Variants in CDHR1 observed in about 807,000 individuals in gnomAD.
CDHR1 encodes cadherin related family member 1, also known as cadherin-related family member 1.
CDHR1 carries 61 observed loss-of-function variants against 72.1 expected under a neutral mutation model. The observed-to-expected ratio is 0.85, with a 90% confidence interval of 0.69 to 1.05. CDHR1 has a LOEUF of 1.05. Ranked by LOEUF, CDHR1 falls within the 50% of genes least tolerant of loss-of-function variation. The pLI is 0.00. For missense variants in CDHR1, 1,186 were observed against 1,115.7 expected (o/e 1.06, Z -0.90); for synonymous variants, 470 against 448.1 (o/e 1.05, Z -0.62).
At chr10:84,210,867 CTGGT>C (rs1842316644) in intron 12 of CDHR1, 130 bp from the exon 13 acceptor site, 1 of 955,176 alleles carries the variant, frequency 1.0e-6, no homozygotes. Context: ...ACAGGAATAG[CTGGT>C]TGGCAGCTGC....
intron 13 of CDHR1, 121 bp from the exon 14 acceptor site, chr10:84,211,526 TC>T: frequency 1.1e-6 from 1 of 875,768 alleles, no homozygotes; most frequent in Non-Finnish European, 1.9e-6. Context: ...CACCAATTTC[TC>T]CCCAGTTGGG....
At chr10:84,195,346 G>C (rs997635150) in intron 1 of CDHR1, 148 bp from the exon 2 acceptor site, 1 of 767,242 alleles carries the variant, frequency 1.3e-6, no homozygotes, top group African/African-American at 1.7e-5. Flanking sequence ...GCCCCAGTGG[G>C]GTCCCTCGGT....
intron 11 of CDHR1, 25 bp from the exon 12 acceptor site, chr10:84,208,704 T>C: frequency 1.9e-6 from 3 of 1,610,866 alleles, no homozygotes; most frequent in Non-Finnish European, 2.5e-6. Context: ...TCATCTTCCT[T>C]GTTTCCACTC....
At position 84,213,253 on chromosome 10, in the gene CDHR1, G is replaced by A; in HGVS notation, c.1945G>A (p.Asp649Asn). Residue 649 changes from aspartate to asparagine, a missense_variant, in exon 16 of 17, where the codon GAC (aspartate) becomes AAC (asparagine). Physicochemically the swap from Asp to Asn is conservative, Grantham distance 23. Coordinates refer to ENST00000623527, the MANE Select transcript of CDHR1 (RefSeq NM_033100.4). ...CCTGCACAACATCACACCTGGAAGG[G>A]ACTGCCTATGGTCCCTAGAGGTGCA... is the stretch of plus-strand genomic sequence containing the variant. ...DALHNITPGR[D>N]CLWSLEVQAK... 1 of 1,614,228 alleles carries A rather than the reference G, an allele frequency of 6.2e-7. No homozygotes were observed. Among genetic ancestry groups the A allele is most frequent in the Non-Finnish European group, 8.5e-7 (1 of 1,180,046 alleles).
Position 84,201,879 on chromosome 10 carries a change from T to C in CDHR1, c.598T>C (p.Tyr200His). 6.2e-7 allele frequency: 1 copy of C among 1,608,692 alleles called. No homozygotes were observed. The highest frequency in any genetic ancestry group is 1.1e-5 in the South Asian group (1 of 91,088). The change falls in exon 7 of 17, where the codon TAC becomes CAC. Residue 200 changes from tyrosine to histidine, a missense_variant. Tyr to His is a moderately conservative substitution (Grantham distance 83, BLOSUM62 2). Transcript: ENST00000623527. ...LRLQAGATLDYERSRTHYITV... is the reference protein window; with the variant it reads ...LRLQAGATLDHERSRTHYITV... ...CCTCCAGGCTGGGGCCACTCTGGAC[T>C]ACGAGAGGTCCCGGACCCACTACAT...
chr10:84,210,646 C>A (rs1842312534), intron 12 of CDHR1, among the ~76,000 whole-genome samples: 1 of 152,098 alleles, frequency 6.6e-6, no homozygotes, highest in African/African-American at 2.4e-5. Context: ...GTCCTTTGGA[C>A]AGGTGGCAAC....
intron 9 of CDHR1, among the ~76,000 whole-genome samples, chr10:84,204,859 C>A (rs570370727): frequency 2.3e-4 from 35 of 152,260 alleles, no homozygotes; most frequent in Admixed American, 2.2e-3. Context: ...AACCCATGCT[C>A]CTCTCCCCCT....
At chr10:84,200,795 C>T (rs761069994) in intron 6 of CDHR1, 108 bp downstream of exon 6, 15 of 766,536 alleles carry the variant, frequency 2.0e-5, no homozygotes, top group African/African-American at 5.2e-5. Context: ...CTATGATTCC[C>T]GAGAAGTACA....
intron 3 of CDHR1, among the ~76,000 whole-genome samples, chr10:84,197,319 C>T (rs1461437680): frequency 4.6e-5 from 7 of 152,090 alleles, no homozygotes; most frequent in African/African-American, 9.7e-5. Context: ...TGGCAACATC[C>T]GATACCCTTC....
intron 2 of CDHR1, among the ~76,000 whole-genome samples, chr10:84,196,095 G>A (rs1247651670): frequency 2.0e-5 from 3 of 152,206 alleles, no homozygotes; most frequent in African/African-American, 4.8e-5. Context: ...GGACAGTGGT[G>A]CACTGTGGGT....
chr10:84,211,941 G>A (rs1276701718), intron 14 of CDHR1, among the ~76,000 whole-genome samples: 1 of 152,220 alleles, frequency 6.6e-6, no homozygotes, highest in Non-Finnish European at 1.5e-5. Context: ...GCAGGCCATA[G>A]GAAGAGAGAA....
At chr10:84,219,049 C>G (rs557030996), downstream of CDHR1, 20 of 799,306 alleles carry the variant, frequency 2.5e-5, no homozygotes, top group East Asian at 1.6e-4. Context: ...GGTGAGAACA[C>G]TAATGTACTA....
Position 84,214,630 on chromosome 10 carries a change from C to G in CDHR1, c.*9C>G. 6.3e-7 allele frequency: 1 copy of G among 1,599,532 alleles called. No homozygotes were observed. Among genetic ancestry groups the G allele is most frequent in the Non-Finnish European group, 8.5e-7 (1 of 1,179,770 alleles). On this transcript the variant is annotated 3_prime_UTR_variant, in exon 17 of 17. Coordinates refer to ENST00000623527, the MANE Select transcript of CDHR1 (RefSeq NM_033100.4). The stretch of plus-strand genomic sequence containing the variant: ...ACAAGGCTTACTTCTAGTGTATGCC[C>G]TATGACCCCCCATCTTTCCTCCGCC...
chr10:84,198,396 G>A (rs1339774550), intron 4 of CDHR1, among the ~76,000 whole-genome samples: 1 of 152,084 alleles, frequency 6.6e-6, no homozygotes, highest in Non-Finnish European at 1.5e-5. Context: ...TCCTCGTTGG[G>A]CACCATCTGC....
At position 84,208,171 on chromosome 10, in the gene CDHR1, C is replaced by T. The variant is rs943971287; in HGVS notation, c.964-3C>T. 7 of 1,613,840 alleles carry T rather than the reference C, an allele frequency of 4.3e-6. No homozygotes were observed. The highest frequency in any genetic ancestry group is 5.9e-6 in the Non-Finnish European group (7 of 1,179,886). On this transcript the variant is annotated splice_polypyrimidine_tract_variant and splice_region_variant and intron_variant, in intron 10 of 16. Transcript: ENST00000623527. Reference sequence around the variant, plus strand: ...CAGCCATAGCCACTTGTCCCCATCCCAGGTGACTGAAATGAGCCCTGCGGG... The same window carrying T: ...CAGCCATAGCCACTTGTCCCCATCCTAGGTGACTGAAATGAGCCCTGCGGG...
chr10:84,207,230 G>A (rs1483419780), intron 10 of CDHR1, among the ~76,000 whole-genome samples: 3 of 152,104 alleles, frequency 2.0e-5, no homozygotes, highest in African/African-American at 7.2e-5. Flanking sequence ...GCACAGCTGC[G>A]GGAGCTGTGT....
At chr10:84,204,881 C>G (rs117206971) in intron 9 of CDHR1, among the ~76,000 whole-genome samples, 1 of 152,188 alleles carries the variant, frequency 6.6e-6, no homozygotes, top group Non-Finnish European at 1.5e-5. Context: ...GGTATTTGCT[C>G]CTTGATGGGA....
intron 10 of CDHR1, 110 bp from the exon 11 acceptor site, chr10:84,208,064 C>T (rs973230940): frequency 6.1e-6 from 6 of 976,838 alleles, no homozygotes; most frequent in Non-Finnish European, 9.9e-6. Flanking sequence ...AGTTGCTAAG[C>T]CAGGACACAC....
intron 14 of CDHR1, 35 bp downstream of exon 14, chr10:84,211,750 G>A (rs770098162): frequency 1.3e-6 from 2 of 1,578,630 alleles, no homozygotes; most frequent in East Asian, 4.5e-5. Flanking sequence ...AGGGCCTTGG[G>A]CAAGGGGATT....
Sources: allele counts gnomAD v4.1 joint callset (sites outside exome capture counted in the v4.1 genomes callset), GRCh38; gene constraint gnomAD v4.1.1; transcripts MANE v1.5; gene names NCBI Gene and HGNC (gene_info 2026-07-23, HGNC 2026-07-21).